The following BRAF variants were observed in gnomAD, a reference collection of about 807,000 sequenced individuals.
BRAF encodes B-Raf proto-oncogene, serine/threonine kinase, also known as serine/threonine-protein kinase B-raf.
Under a neutral mutation model 104.6 loss-of-function variants are expected in BRAF, and 16 were observed. The observed-to-expected ratio is 0.15, with a 90% confidence interval of 0.10 to 0.23. BRAF has a LOEUF of 0.23. Among genes scored for constraint, BRAF ranks in the 10% least tolerant of loss-of-function variants. The pLI, the probability that BRAF is intolerant of heterozygous loss-of-function variation, is 1.00. For synonymous variants in BRAF, 310 were observed against 341.6 expected (o/e 0.91, Z 1.02); for missense variants, 541 against 937.3 (o/e 0.58, Z 5.52).
chr7:140,921,553 T>C (rs1372886347), intron 1 of BRAF, among the ~76,000 whole-genome samples: 2 of 152,064 alleles, frequency 1.3e-5, no homozygotes, highest in Non-Finnish European at 2.9e-5. Context: ...TCACAGTATG[T>C]CTAATAATAC....
intron 2 of BRAF, among the ~76,000 whole-genome samples, chr7:140,840,029 G>A (rs747070599): frequency 1.3e-5 from 2 of 152,180 alleles, no homozygotes. Context: ...TTCTGCCCCC[G>A]TGTAGGCACC....
At chr7:140,810,981 G>C (rs1337512741) in intron 3 of BRAF, among the ~76,000 whole-genome samples, 1 of 152,136 alleles carries the variant, frequency 6.6e-6, no homozygotes, top group African/African-American at 2.4e-5. Context: ...TAAGCATAGT[G>C]CTCACGTGCT....
chr7:140,756,513 A>G (rs1443182509), intron 14 of BRAF, among the ~76,000 whole-genome samples: 2 of 152,086 alleles, frequency 1.3e-5, no homozygotes, highest in African/African-American at 4.8e-5. Flanking sequence ...TAATTTCCTA[A>G]GCACCACCCA....
In BRAF at chr7:140,719,920, C is replaced by T. The variant is rs966159122; in HGVS notation, c.*6574G>A. 9.4e-6 allele frequency: 10 copies of T among 1,062,230 alleles called. No homozygotes were observed. The highest frequency in any genetic ancestry group is 1.1e-5 in the Non-Finnish European group (10 of 877,462). 65.8% of individuals were successfully genotyped at this position (1,062,230 alleles called of 1,614,324 possible). Reference sequence around the variant, plus strand: ...AGAAAAGAGGAATGTGTGTGTGAGTCGCCATAAGGTTTGGAGTGGTGAAAC... The same window carrying T: ...AGAAAAGAGGAATGTGTGTGTGAGTTGCCATAAGGTTTGGAGTGGTGAAAC... On this transcript the variant is annotated 3_prime_UTR_variant, in exon 20 of 20. Transcript: ENST00000644969.
intron 2 of BRAF, chr7:140,836,152 A>G (rs1807312553): frequency 6.6e-6 from 1 of 152,172 alleles, no homozygotes; most frequent in African/African-American, 2.4e-5. Flanking sequence ...CACATGAAAA[A>G]CTATAGATAG....
At chr7:140,860,429 C>A (rs779970423) in intron 1 of BRAF, among the ~76,000 whole-genome samples, 14 of 147,956 alleles carry the variant, frequency 9.5e-5, no homozygotes, top group Non-Finnish European at 1.8e-4. Context: ...CCCTGTAATC[C>A]CAGCACCTGT....
chr7:140,835,005 A>G (rs1807172229), intron 2 of BRAF, 133 bp from the exon 3 acceptor site: 2 of 964,180 alleles, frequency 2.1e-6, no homozygotes, highest in Admixed American at 2.1e-5. Context: ...TTACAAAATA[A>G]GTGCCAGAAA....
chr7:140,863,026 A>C (rs1210852464), intron 1 of BRAF, among the ~76,000 whole-genome samples: 1 of 152,172 alleles, frequency 6.6e-6, no homozygotes, highest in East Asian at 1.9e-4. Flanking sequence ...GTTCTCAAAA[A>C]ATTTACTTCA....
chr7:140,797,509 A>C (rs1416519211), intron 7 of BRAF, among the ~76,000 whole-genome samples: 3 of 152,204 alleles, frequency 2.0e-5, no homozygotes, highest in Non-Finnish European at 2.9e-5. Context: ...TTACAGAGAC[A>C]ACCATATGGA....
chr7:140,802,040 G>A (rs570834180), intron 5 of BRAF, among the ~76,000 whole-genome samples: 4 of 152,102 alleles, frequency 2.6e-5, no homozygotes, highest in East Asian at 1.9e-4. Flanking sequence ...AGGAGGGAGA[G>A]GAAGAACTAT....
chr7:140,824,047 C>T (rs1003121254), intron 3 of BRAF: 1 of 152,152 alleles, frequency 6.6e-6, no homozygotes, highest in Non-Finnish European at 1.5e-5. Flanking sequence ...TGGATATTAA[C>T]CCCTTATCAG....
chr7:140,838,415 G>A (rs976437631), intron 2 of BRAF, among the ~76,000 whole-genome samples: 2 of 152,060 alleles, frequency 1.3e-5, no homozygotes, highest in African/African-American at 4.8e-5. Flanking sequence ...CCTGGGAGGC[G>A]GAGGTTGCAG....
intron 2 of BRAF, among the ~76,000 whole-genome samples, chr7:140,839,170 T>C (rs1807659832): frequency 6.6e-6 from 1 of 151,934 alleles, no homozygotes; most frequent in Admixed American, 6.6e-5. Flanking sequence ...CCTCACAACA[T>C]ATCCAAAAAC....
intron 10 of BRAF, among the ~76,000 whole-genome samples, chr7:140,783,871 C>T (rs376799124): frequency 1.3e-5 from 2 of 152,166 alleles, no homozygotes; most frequent in Admixed American, 6.5e-5. Flanking sequence ...GTTAAGTAAG[C>T]GCTATGGCCT....
At chr7:140,787,108 T>C (rs1055144719) in intron 9 of BRAF, among the ~76,000 whole-genome samples, 22 of 151,942 alleles carry the variant, frequency 1.4e-4, no homozygotes, top group Admixed American at 8.5e-4. Context: ...GAGACCATCC[T>C]GGCTAACACG....
rs375065959 is a variant in BRAF, at chr7:140,875,402, A to T, written c.139-25190T>A. Among the ~76,000 whole-genome samples, 162 of 152,304 alleles carry T rather than the reference A, an allele frequency of 1.1e-3. 6 individuals are homozygous for T. In the South Asian group the frequency reaches 0.033, roughly 31 times the overall value. ...AATTACTATTATTTTTTGAGATAGC[A>T]TCTTGCTCTGTCGCCCAGGCTGGAG... On this transcript the variant is annotated intron_variant, in intron 1 of 19. Coordinates refer to ENST00000644969, the MANE Select transcript of BRAF (RefSeq NM_001374258.1).
Position 140,924,580 on chromosome 7 carries a change from C to A in BRAF, c.124G>T (p.Ala42Ser), listed in dbSNP as rs2129153151. 6.5e-7 allele frequency: 1 copy of A among 1,531,524 alleles called. No homozygotes were observed. 94.9% of individuals were successfully genotyped at this position (1,531,524 alleles called of 1,614,324 possible). ...CCAGCACTCACCTCCTCCGGAATGG[C>A]AGGGTCCGCAGCCGAAGAGGCCGCG... ...GAAASSAADP[A>S]IPEEVWNIKQ... Residue 42 changes from alanine to serine, a missense_variant, in exon 1 of 20, where the codon GCC becomes TCC. Ala to Ser is a moderately conservative substitution (Grantham distance 99, BLOSUM62 1). Coordinates refer to ENST00000644969, the MANE Select transcript of BRAF (RefSeq NM_001374258.1). This position sits in a 1 kb window ranked among gnomAD's most constrained non-coding sequence, Gnocchi z 4.2.
chr7:140,867,981 A>G (rs1402346281), intron 1 of BRAF, among the ~76,000 whole-genome samples: 1 of 152,208 alleles, frequency 6.6e-6, no homozygotes, highest in East Asian at 1.9e-4. Flanking sequence ...CTCTTGTACA[A>G]TTGAACTTGC....
chr7:140,863,841 G>C (rs1441447208), intron 1 of BRAF, among the ~76,000 whole-genome samples: 4 of 152,148 alleles, frequency 2.6e-5, no homozygotes, highest in Admixed American at 2.6e-4. Flanking sequence ...GCAGATGCCA[G>C]TATCATGCTT....
Sources: gnomAD v4.1 joint callset for allele counts (sites outside exome capture counted in the v4.1 genomes callset) on GRCh38, gnomAD v4.1.1 for gene constraint, Gnocchi (gnomAD v3.1) non-coding constraint, MANE v1.5 for transcripts, NCBI Gene and HGNC (gene_info 2026-07-23, HGNC 2026-07-21) for gene names.